Variants in NUP153 observed in about 807,000 individuals in gnomAD.
NUP153 encodes nuclear pore complex protein Nup153.
NUP153 carries 27 observed loss-of-function variants against 134.6 expected under a neutral mutation model. The ratio of observed to expected loss-of-function variants is 0.20; its 90% CI spans 0.15 to 0.28. The LOEUF (loss-of-function observed/expected upper bound fraction) is 0.28. NUP153 is among the 10% of genes least tolerant of loss of function. The pLI is 1.00. For synonymous variants in NUP153, 640 were observed against 623.5 expected (o/e 1.03, Z -0.40); for missense variants, 1,821 against 1,731.3 (o/e 1.05, Z -0.92).
Position 17,675,361 on chromosome 6 carries a change from A to G in NUP153, c.591T>C (p.Thr197=), listed in dbSNP as rs1168099769. The G allele has an allele frequency of 4.3e-6, 7 of 1,613,688 alleles. No homozygotes were observed. Among genetic ancestry groups the G allele is most frequent in the Non-Finnish European group, 5.1e-6 (6 of 1,179,838 alleles). The change falls in exon 4 of 22, where the codon ACT becomes ACC. Residue 197 remains threonine (T), a synonymous_variant. Transcript: ENST00000262077. The surrounding 1 kb of genome is among the most constrained non-coding windows in gnomAD (Gnocchi z 4.4). The part of the protein sequence containing the change: ...FSSRASDKDI[T]VSKNTSLPPL... ...GTGGCAATGAAGTGTTCTTTGAAAC[A>G]GTTATATCTGAAACAAAATTACATA...
rs201310017 is a variant in NUP153 at position 17,616,285 on chromosome 6, G to GGA, written c.4344-105_4344-104insTC. 1,129 of 542,650 alleles carry GGA rather than the reference G, an allele frequency of 2.1e-3. 17 individuals carry two copies. The highest frequency in any genetic ancestry group is 0.019 in the African/African-American group (949 of 50,388). 33.6% of individuals were successfully genotyped at this position (542,650 alleles called of 1,614,324 possible). A position where few individuals can be genotyped will look rare whatever the true frequency, so the allele number is the denominator to read the frequency against. On this transcript the variant is annotated intron_variant, in intron 21 of 21. Coordinates refer to ENST00000262077, the MANE Select transcript of NUP153 (RefSeq NM_005124.4). Reference sequence around the variant, plus strand: ...CACAAGGGTAAGGGGGGTCGGGTGGGGGGGGAGTAGACTCACATTGGTATA... The same window carrying GGA: ...CACAAGGGTAAGGGGGGTCGGGTGGGGAGGGGGAGTAGACTCACATTGGTATA...
rs1770501067 is a variant in NUP153, at chr6:17,706,358, C to T, written c.30G>A (p.Gly10=). The change falls in exon 1 of 22, where the codon GGG becomes GGA. Residue 10 remains glycine, a synonymous_variant. Coordinates refer to ENST00000262077, the MANE Select transcript of NUP153 (RefSeq NM_005124.4). The surrounding 1 kb of genome is among the most constrained non-coding windows in gnomAD (Gnocchi z 5.9). ...GCGTCCGGATCTTGCCGCCACCGCC[C>T]CCTCCGACTCCTCCGGCTCCCGAGG... is the stretch of plus-strand genomic sequence containing the variant. MASGAGGVG[G]GGGGKIRTRR... is the part of the protein sequence containing the mutation. 6.2e-7 allele frequency: 1 copy of T among 1,613,094 alleles called. No individual in the cohort carries two copies. The highest frequency in any genetic ancestry group is 8.5e-7 in the Non-Finnish European group (1 of 1,179,706).
chr6:17,628,195 CTTGTT>C lies in NUP153; in HGVS notation c.3544+455_3544+459del, dbSNP rs1183929708. 6.6e-6 allele frequency among the ~76,000 whole-genome samples: 1 copy of C among 152,134 alleles called. No homozygotes were observed. The highest frequency in any genetic ancestry group is 1.9e-4 in the East Asian group (1 of 5,200). On this transcript the variant is annotated intron_variant, in intron 18 of 21. Coordinates refer to ENST00000262077, the MANE Select transcript of NUP153 (RefSeq NM_005124.4). The surrounding 1 kb of genome is among the most constrained non-coding windows in gnomAD (Gnocchi z 5.4). ...CCCAGGACTTCAGCTTTCAAAATCT[CTTGTT>C]TTCTCAGGATTAATTATATTTGTTG...
intron 11 of NUP153, among the ~76,000 whole-genome samples, chr6:17,656,118 T>C (rs1207040217): frequency 1.3e-5 from 2 of 151,464 alleles, no homozygotes; most frequent in East Asian, 1.9e-4. Flanking sequence ...GGCAGGAGAA[T>C]TGCTTGAACT....
intron 17 of NUP153, among the ~76,000 whole-genome samples, chr6:17,632,258 GC>G (rs1335695644): frequency 6.6e-6 from 1 of 151,980 alleles, no homozygotes; most frequent in Non-Finnish European, 1.5e-5. Flanking sequence ...CAGAGATCGC[GC>G]CCCCGTACTC....
chr6:17,653,986 T>A (rs1766658482), intron 11 of NUP153, among the ~76,000 whole-genome samples: 1 of 152,238 alleles, frequency 6.6e-6, no homozygotes, highest in African/African-American at 2.4e-5. Context: ...TCTTCAACTA[T>A]CTTTAAAATG....
At chr6:17,647,090 T>C (rs1766239198) in intron 13 of NUP153, among the ~76,000 whole-genome samples, 1 of 152,080 alleles carries the variant, frequency 6.6e-6, no homozygotes, top group Non-Finnish European at 1.5e-5. Flanking sequence ...AGTATGACAC[T>C]TCTGGGGCAA....
chr6:17,687,471 A>G (rs868054508), intron 2 of NUP153, among the ~76,000 whole-genome samples: 1 of 152,238 alleles, frequency 6.6e-6, no homozygotes, highest in Non-Finnish European at 1.5e-5. Context: ...TTAAAACTTA[A>G]GTTACTCTAA....
chr6:17,619,929 C>T (rs1764559026), intron 20 of NUP153, among the ~76,000 whole-genome samples: 1 of 151,946 alleles, frequency 6.6e-6, no homozygotes, highest in African/African-American at 2.4e-5. Flanking sequence ...AAAACCCCGT[C>T]TCTACTAAAA....
Position 17,632,753 on chromosome 6 carries a change from C to T in NUP153, c.2556G>A (p.Glu852=), listed in dbSNP as rs746505103. Residue 852 remains glutamate (E), a synonymous_variant, in exon 17 of 22, where the codon GAG becomes GAA. Coordinates refer to ENST00000262077, the MANE Select transcript of NUP153 (RefSeq NM_005124.4). The stretch of plus-strand genomic sequence containing the variant: ...GGCACAATTCACAGTCCCAGCTTCC[C>T]TCGGGTTTCTTGAACTTTTCCAATC... ...SLGLEKFKKP[E]GSWDCELCLV... The T allele has an allele frequency of 2.5e-6, 4 of 1,611,828 alleles. No individual in the cohort carries two copies. The Admixed American group carries it at 6.7e-5, about 27-fold the overall frequency.
intron 14 of NUP153, among the ~76,000 whole-genome samples, chr6:17,645,068 C>A (rs1213132831): frequency 1.3e-5 from 2 of 151,042 alleles, no homozygotes; most frequent in Non-Finnish European, 3.0e-5. Context: ...CTGGGGGACA[C>A]AACAAGGCTC....
intron 1 of NUP153, among the ~76,000 whole-genome samples, chr6:17,692,271 G>C (rs1217139960): frequency 1.3e-5 from 2 of 152,196 alleles, no homozygotes; most frequent in African/African-American, 4.8e-5. Context: ...ACTAGTCTCA[G>C]CCCAGAAGAG....
rs1222541945 is a variant in NUP153, at chr6:17,640,007, CAAT to C, written c.1775_1777del (p.Asp592_Cys593delinsGly). On this transcript the variant is annotated inframe_deletion, in exon 15 of 22. Coordinates refer to ENST00000262077, the MANE Select transcript of NUP153 (RefSeq NM_005124.4). ...TTCTGCAGGTCTAAAAGGACCCTCACAATCTTCAGGTGGTGTCTTCTTACAATT... is the reference window on the plus strand; with the variant it reads ...TTCTGCAGGTCTAAAAGGACCCTCACCTTCAGGTGGTGTCTTCTTACAATT... The C allele has an allele frequency of 6.2e-7, 1 of 1,612,050 alleles. No individual in the cohort carries two copies. Among genetic ancestry groups the C allele is most frequent in the African/African-American group, 1.3e-5 (1 of 74,858 alleles).
At chr6:17,639,880 T>C in intron 15 of NUP153, 59 bp downstream of exon 15, 3 of 1,487,124 alleles carry the variant, frequency 2.0e-6, no homozygotes, top group Non-Finnish European at 2.7e-6. Flanking sequence ...TAATACAAAA[T>C]GACATTAAAT....
At chr6:17,667,347 T>C (rs145901655) in intron 8 of NUP153, among the ~76,000 whole-genome samples, 2,650 of 152,312 alleles carry the variant, frequency 0.017, 44 homozygotes, top group Middle Eastern at 0.051. Context: ...ATCTTAGTCA[T>C]TGCAATTAAT....
At position 17,675,681 on chromosome 6, in the gene NUP153, C is replaced by T; in HGVS notation, c.424G>A (p.Glu142Lys). 6.2e-7 allele frequency: 1 copy of T among 1,614,074 alleles called. No homozygotes were observed. Among genetic ancestry groups the T allele is most frequent in the Middle Eastern group, 1.6e-4 (1 of 6,062 alleles). The change falls in exon 3 of 22, where the codon GAA becomes AAA. Residue 142 changes from glutamate to lysine, a missense_variant. Transcript: ENST00000262077. The surrounding 1 kb of genome is among the most constrained non-coding windows in gnomAD (Gnocchi z 4.4). ...GGCTGACAGTGTAATGCAGGGGATT[C>T]CAACATGGAAAAATTCAGATGGCTC... Reference protein sequence around the residue: ...HRSHLNFSMLESPALHCQPST... With the variant: ...HRSHLNFSMLKSPALHCQPST...
chr6:17,689,071 TAA>T (rs34922440), intron 1 of NUP153, among the ~76,000 whole-genome samples: 233 of 147,534 alleles, frequency 1.6e-3, no homozygotes, highest in East Asian at 5.3e-3. Flanking sequence ...ATACAAGAGT[TAA>T]AAAAAAAAAA....
intron 9 of NUP153, among the ~76,000 whole-genome samples, chr6:17,662,556 A>G (rs1163987178): frequency 6.6e-6 from 1 of 152,248 alleles, no homozygotes; most frequent in Non-Finnish European, 1.5e-5. Flanking sequence ...TAAGTGCTCA[A>G]AAAGATACAG....
At chr6:17,618,405 A>C (rs112857469) in intron 20 of NUP153, among the ~76,000 whole-genome samples, 52 of 152,258 alleles carry the variant, frequency 3.4e-4, no homozygotes, top group Admixed American at 9.8e-4. Flanking sequence ...AAGAAACAAA[A>C]TTTTAAGGAG....
Sources: allele counts gnomAD v4.1 joint callset (sites outside exome capture counted in the v4.1 genomes callset), GRCh38; gene constraint gnomAD v4.1.1; non-coding constraint Gnocchi (gnomAD v3.1); transcripts MANE v1.5; gene names NCBI Gene and HGNC (gene_info 2026-07-23, HGNC 2026-07-21).